The following MILR1 variants were observed in gnomAD, a reference collection of about 807,000 sequenced individuals.
MILR1 encodes the protein mast cell immunoglobulin like receptor 1, also known as allergin-1.
Under a neutral mutation model 18.5 loss-of-function variants are expected in MILR1, and 31 were observed. That is an observed-to-expected ratio of 1.68 (90% CI 1.26 to 2.26). The LOEUF (loss-of-function observed/expected upper bound fraction) is 2.26. Ranked by LOEUF, MILR1 falls within the 30% of genes most tolerant of loss-of-function variation. The probability of loss-of-function intolerance (pLI) is 0.00; values close to 1 mark genes in which losing one functional copy is unlikely to be tolerated. For synonymous variants in MILR1, 85 were observed against 56.2 expected (o/e 1.51, Z -2.30); for missense variants, 257 against 157.4 (o/e 1.63, Z -3.38).
chr17:64,455,865 C>A (rs1374892735), intron 3 of MILR1, among the ~76,000 whole-genome samples: 1 of 149,884 alleles, frequency 6.7e-6, no homozygotes, highest in African/African-American at 2.5e-5. Flanking sequence ...CATGGTGAAA[C>A]CCTGTCTGTA....
At position 64,452,865 on chromosome 17, in the gene MILR1, C is replaced by T. The variant is rs1333115513; in HGVS notation, c.366C>T (p.Val122=). 4.0e-5 allele frequency: 19 copies of T among 474,824 alleles called. No individual in the cohort carries two copies. Among genetic ancestry groups the T allele is most frequent in the Admixed American group, 3.8e-4 (12 of 31,670 alleles). 29.4% of individuals were successfully genotyped at this position (474,824 alleles called of 1,614,324 possible). ...GTCGTGACTTCAGCTTCACGATTGT[C>T]GGTAAGTAGAGTGCCTGTTCCTTGG... is the stretch of plus-strand genomic sequence containing the variant. ...KYSRDFSFTI[V]DPVTSPVLNI... The change falls in exon 3 of 10, where the codon GTC becomes GTT. Residue 122 remains valine, a splice_region_variant and synonymous_variant. Transcript: ENST00000619286.
rs1389782407 is a variant in MILR1, at chr17:64,462,202, CT to C, written c.763+1271del. On this transcript the variant is annotated intron_variant, in intron 5 of 9. Coordinates refer to ENST00000619286, the MANE Select transcript of MILR1 (RefSeq NM_001085423.2). ...TCTCTCTCTCTCTTCTTTTTTTATT[CT>C]ATATTAAATGGAGACGGGGCCTCAC... Among the ~76,000 whole-genome samples, 322 of 151,718 alleles carry C rather than the reference CT, an allele frequency of 2.1e-3. 1 individual carries two copies. The highest frequency in any genetic ancestry group is 3.4e-3 in the Middle Eastern group (1 of 294).
Position 64,465,506 on chromosome 17 carries a change from T to A in MILR1, c.818T>A (p.Val273Asp), listed in dbSNP as rs147112682. The A allele has an allele frequency of 6.2e-7, 1 of 1,610,856 alleles. No individual in the cohort carries two copies. Among genetic ancestry groups the A allele is most frequent in the Non-Finnish European group, 8.5e-7 (1 of 1,178,730 alleles). ...GACCGTGGAGACACAGCCATGGAAGTTGGAATCTATGCAAATATCCTTGAA... is the reference window on the plus strand; with the variant it reads ...GACCGTGGAGACACAGCCATGGAAGATGGAATCTATGCAAATATCCTTGAA... ...PRDRGDTAMEVGIYANILEKQ... is the reference protein window; with the variant it reads ...PRDRGDTAMEDGIYANILEKQ... The change falls in exon 6 of 10, where the codon GTT (valine) becomes GAT (aspartate). Residue 273 changes from valine (V) to aspartate (D), a missense_variant. Transcript: ENST00000619286.
downstream of MILR1, among the ~76,000 whole-genome samples, chr17:64,471,231 TGTTTTGCTGA>T (rs1433789879): frequency 7.5e-4 from 114 of 151,968 alleles, no homozygotes; most frequent in African/African-American, 2.4e-3. Context: ...AGTACCAGGG[TGTTTTGCTGA>T]GTTGAGCACT....
the MILR1 span, among the ~76,000 whole-genome samples, chr17:64,480,022 C>A: frequency 6.6e-6 from 1 of 152,214 alleles, no homozygotes; most frequent in Non-Finnish European, 1.5e-5. Flanking sequence ...TACATACTTT[C>A]ATCCATAAGT....
At chr17:64,493,127 A>C in the MILR1 span, 2 of 1,270,988 alleles carry the variant, frequency 1.6e-6, no homozygotes, top group Non-Finnish European at 2.3e-6. Flanking sequence ...CAGCATAAAG[A>C]CAGATGTTGG....
At chr17:64,480,170 A>C in the MILR1 span, 1 of 282,038 alleles carries the variant, frequency 3.5e-6, no homozygotes, top group African/African-American at 2.3e-5. Context: ...AGGGAAACTG[A>C]GGAATAATTT....
chr17:64,461,034 A>G (rs1218941238), intron 5 of MILR1, 102 bp downstream of exon 5: 1 of 433,318 alleles, frequency 2.3e-6, no homozygotes, highest in Non-Finnish European at 4.3e-6. Flanking sequence ...TTGGAAATAG[A>G]ATAGGGAGAA....
chr17:64,453,168 A>T (rs1246747278), intron 3 of MILR1, among the ~76,000 whole-genome samples: 1 of 151,502 alleles, frequency 6.6e-6, no homozygotes, highest in African/African-American at 2.4e-5. Flanking sequence ...TCCTGGGTTC[A>T]AGGCATTCTC....
chr17:64,495,280 T>A, the MILR1 span, among the ~76,000 whole-genome samples: 11 of 151,442 alleles, frequency 7.3e-5, no homozygotes, highest in African/African-American at 2.7e-4. Context: ...TTAGGAAATA[T>A]ATTTTTAAAA....
chr17:64,471,060 G>T (rs1555664497), downstream of MILR1, among the ~76,000 whole-genome samples: 1 of 151,972 alleles, frequency 6.6e-6, no homozygotes, highest in Admixed American at 6.6e-5. Flanking sequence ...CCATCCCTAG[G>T]GGGTAATTTT....
downstream of MILR1, among the ~76,000 whole-genome samples, chr17:64,468,937 A>C (rs2037642651): frequency 6.6e-6 from 1 of 151,974 alleles, no homozygotes; most frequent in Admixed American, 6.6e-5. Flanking sequence ...ATACAAAAAA[A>C]TTAGCTGGGC....
the MILR1 span, chr17:64,485,843 A>C: frequency 6.2e-7 from 1 of 1,614,062 alleles, no homozygotes; most frequent in Non-Finnish European, 8.5e-7. Context: ...AACACAAGGA[A>C]CCACATTTTT....
chr17:64,461,592 A>G (rs2037433985), intron 5 of MILR1, among the ~76,000 whole-genome samples: 1 of 152,110 alleles, frequency 6.6e-6, no homozygotes, highest in Non-Finnish European at 1.5e-5. Context: ...TCTTTTAAAA[A>G]TTGTTAATGG....
chr17:64,449,234 C>A lies in MILR1; in HGVS notation c.55+11C>A. The stretch of plus-strand genomic sequence containing the variant: ...TTTCTTCTGTCACTTGTAAGCCCCC[C>A]TTATCATTCTGAGGCTCGAACCTCC... On this transcript the variant is annotated intron_variant, in intron 1 of 9. Coordinates refer to ENST00000619286, the MANE Select transcript of MILR1 (RefSeq NM_001085423.2). The A allele has an allele frequency of 2.1e-6, 1 of 473,620 alleles. No homozygotes were observed. Among genetic ancestry groups the A allele is most frequent in the Non-Finnish European group, 3.9e-6 (1 of 258,278 alleles). 29.3% of individuals were successfully genotyped at this position (473,620 alleles called of 1,614,324 possible). A position where few individuals can be genotyped will look rare whatever the true frequency, so the allele number is the denominator to read the frequency against.
chr17:64,468,755 G>T, downstream of MILR1: 1 of 435,544 alleles, frequency 2.3e-6, no homozygotes, highest in Non-Finnish European at 3.1e-6. Context: ...TCAGCCACAT[G>T]GGCACTTGTC....
the MILR1 span, chr17:64,481,572 G>A: frequency 1.4e-5 from 4 of 277,612 alleles, no homozygotes; most frequent in Non-Finnish European, 2.2e-5. Flanking sequence ...TACCAAAAGT[G>A]TTAAGTTCAA....
At chr17:64,479,752 A>G in the MILR1 span, among the ~76,000 whole-genome samples, 1 of 152,208 alleles carries the variant, frequency 6.6e-6, no homozygotes, top group African/African-American at 2.4e-5. Flanking sequence ...GATGAGATAC[A>G]TTTAGGAAGC....
chr17:64,450,919 G>GT, intron 2 of MILR1, among the ~76,000 whole-genome samples: 1 of 152,274 alleles, frequency 6.6e-6, no homozygotes, highest in South Asian at 2.1e-4. Context: ...AACGTCCTTT[G>GT]TGGATGCATG....
Sources: allele counts gnomAD v4.1 joint callset (sites outside exome capture counted in the v4.1 genomes callset), GRCh38; gene constraint gnomAD v4.1.1; transcripts MANE v1.5; gene names NCBI Gene and HGNC (gene_info 2026-07-23, HGNC 2026-07-21).